PDGFRL: variants seen among roughly 807,000 people sequenced by gnomAD.
PDGFRL encodes the protein platelet derived growth factor receptor like.
Under a neutral mutation model 37.2 loss-of-function variants are expected in PDGFRL, and 46 were observed. The ratio of observed to expected loss-of-function variants is 1.24; its 90% CI spans 0.98 to 1.58. PDGFRL has a LOEUF of 1.58. Ranked by LOEUF, PDGFRL falls within the 40% of genes most tolerant of loss-of-function variation. The pLI is 0.00. For synonymous variants in PDGFRL, 251 were observed against 184.3 expected, an observed-to-expected ratio of 1.36 and a Z score of -2.93; for missense variants, 692 against 467.6, an observed-to-expected ratio of 1.48 and a Z score of -4.43.
At chr8:17,618,425 A>G (rs113557690) in intron 2 of PDGFRL, among the ~76,000 whole-genome samples, 34 of 152,342 alleles carry the variant, frequency 2.2e-4, no homozygotes, top group African/African-American at 8.2e-4. Flanking sequence ...TGTCATGGCT[A>G]TAGTAATCTT....
intron 1 of PDGFRL, among the ~76,000 whole-genome samples, chr8:17,582,361 A>T (rs1803725238): frequency 6.6e-6 from 1 of 152,082 alleles, no homozygotes; most frequent in Non-Finnish European, 1.5e-5. Context: ...AGGCAGGCGG[A>T]TCATGAGGTC....
intron 4 of PDGFRL, among the ~76,000 whole-genome samples, chr8:17,632,253 A>C (rs574485838): frequency 5.9e-5 from 9 of 151,924 alleles, no homozygotes; most frequent in Admixed American, 5.2e-4. Context: ...TCAAGCTAGC[A>C]TTGTCTCTGC....
At chr8:17,629,005 A>C (rs1052012054) in intron 4 of PDGFRL, among the ~76,000 whole-genome samples, 6 of 151,708 alleles carry the variant, frequency 4.0e-5, no homozygotes, top group African/African-American at 1.5e-4. Context: ...GCAGCATTAA[A>C]GCCCTGGGCT....
At chr8:17,629,415 T>G (rs1307280911) in intron 4 of PDGFRL, among the ~76,000 whole-genome samples, 2 of 152,068 alleles carry the variant, frequency 1.3e-5, no homozygotes. Flanking sequence ...CTTTAGAGCA[T>G]CCTCCCAGCC....
intron 2 of PDGFRL, among the ~76,000 whole-genome samples, chr8:17,591,159 G>A (rs1803930948): frequency 6.6e-6 from 1 of 152,152 alleles, no homozygotes; most frequent in South Asian, 2.1e-4. Context: ...TGGGATTACA[G>A]GCGTGAGCCA....
In PDGFRL at chr8:17,589,306, A is replaced by G. The variant is rs567180745; in HGVS notation, c.56-162A>G. ...GGTGCTCAGGCAAGAGAATCACTTGAACCTGGGAGGTGGAGGTTGCAGTGA... is the reference window on the plus strand; with the variant it reads ...GGTGCTCAGGCAAGAGAATCACTTGGACCTGGGAGGTGGAGGTTGCAGTGA... On this transcript the variant is annotated intron_variant, in intron 1 of 5. Coordinates refer to ENST00000251630, the MANE Select transcript of PDGFRL (RefSeq NM_001372073.1). 2.6e-5 allele frequency among the ~76,000 whole-genome samples: 4 copies of G among 152,194 alleles called. No individual in the cohort carries two copies. In the South Asian group the frequency reaches 8.3e-4, roughly 32 times the overall value.
rs763432400 is a variant in PDGFRL at position 17,628,701 on chromosome 8, C to T, written c.720C>T (p.His240=). The part of the protein sequence containing the change: ...GFVYLQPHSE[H]QGVVYCRAEA... ...TGTATCTGCAACCTCATTCCGAGCA[C>T]CAGGGTGTGGTTTACTGCAGGGCGG... The change falls in exon 4 of 6, where the codon CAC becomes CAT. Residue 240 remains histidine, a synonymous_variant. Transcript: ENST00000251630. 5 of 1,613,980 alleles carry T rather than the reference C, an allele frequency of 3.1e-6. No homozygotes were observed. In the South Asian group the frequency reaches 5.5e-5, roughly 18 times the overall value.
chr8:17,583,432 G>C (rs1803750072), intron 1 of PDGFRL, among the ~76,000 whole-genome samples: 1 of 152,202 alleles, frequency 6.6e-6, no homozygotes, highest in Admixed American at 6.5e-5. Flanking sequence ...GCTCACAGCT[G>C]TAAGGAACTT....
At chr8:17,634,267 C>T (rs1211665883) in intron 5 of PDGFRL, 54 bp downstream of exon 5, 1 of 1,458,578 alleles carries the variant, frequency 6.9e-7, no homozygotes, top group African/African-American at 1.4e-5. Context: ...GCATCTCAGC[C>T]AGCCATTTTA....
intron 2 of PDGFRL, among the ~76,000 whole-genome samples, chr8:17,616,061 G>C: frequency 6.6e-6 from 1 of 152,228 alleles, no homozygotes; most frequent in Non-Finnish European, 1.5e-5. Context: ...GGTGAAGCCA[G>C]ACTGTGGAAG....
chr8:17,600,883 C>T (rs78406352), intron 2 of PDGFRL, among the ~76,000 whole-genome samples: 2,440 of 151,782 alleles, frequency 0.016, 39 homozygotes, highest in Admixed American at 0.052. Flanking sequence ...TTGGGAGGCT[C>T]GGATGGTAAG....
At chr8:17,641,819 C>T (rs142195125) in intron 5 of PDGFRL, among the ~76,000 whole-genome samples, 12 of 149,538 alleles carry the variant, frequency 8.0e-5, no homozygotes, top group African/African-American at 2.2e-4. Flanking sequence ...TAGTGTTTTC[C>T]GGCATCCTGG....
intron 1 of PDGFRL, among the ~76,000 whole-genome samples, chr8:17,579,924 C>A (rs949557816): frequency 5.3e-5 from 8 of 152,064 alleles, no homozygotes; most frequent in Admixed American, 3.9e-4. Context: ...AATCATAGCA[C>A]CTGATTTTCA....
chr8:17,610,863 A>G (rs1221346573), intron 2 of PDGFRL, among the ~76,000 whole-genome samples: 1 of 151,838 alleles, frequency 6.6e-6, no homozygotes, highest in Non-Finnish European at 1.5e-5. Flanking sequence ...GTGAGCCGAG[A>G]TCACACCACT....
At chr8:17,598,719 AT>A (rs1804103750) in intron 2 of PDGFRL, among the ~76,000 whole-genome samples, 1 of 152,198 alleles carries the variant, frequency 6.6e-6, no homozygotes, top group Non-Finnish European at 1.5e-5. Flanking sequence ...CTCATCTTGA[AT>A]TATAGCTCCT....
chr8:17,630,706 G>C (rs1214019354), intron 4 of PDGFRL, among the ~76,000 whole-genome samples: 1 of 152,204 alleles, frequency 6.6e-6, no homozygotes, highest in Non-Finnish European at 1.5e-5. Flanking sequence ...GAGGAAGTAA[G>C]TGAGAGCTGG....
chr8:17,581,487 C>A (rs1803706486), intron 1 of PDGFRL, among the ~76,000 whole-genome samples: 1 of 152,134 alleles, frequency 6.6e-6, no homozygotes, highest in Non-Finnish European at 1.5e-5. Flanking sequence ...TTGCCCCCAC[C>A]ACATCTTATG....
intron 1 of PDGFRL, among the ~76,000 whole-genome samples, chr8:17,589,255 G>A (rs151128322): frequency 2.6e-5 from 4 of 151,832 alleles, no homozygotes; most frequent in Non-Finnish European, 4.4e-5. Flanking sequence ...GTGTGGCGGC[G>A]GGCACCTGTA....
At position 17,628,510 on chromosome 8, in the gene PDGFRL, T is replaced by C. The variant is rs756284832; in HGVS notation, c.529T>C (p.Ser177Pro). ...AGAGAAAGGAGAACTCTTTGTACCTTCTCCCAGCTACTTCGATGTTGTCTA... is the reference window on the plus strand; with the variant it reads ...AGAGAAAGGAGAACTCTTTGTACCTCCTCCCAGCTACTTCGATGTTGTCTA... ...FTEKGELFVP[S>P]PSYFDVVYLN... Residue 177 changes from serine (S) to proline (P), a missense_variant, in exon 4 of 6, where the codon TCT becomes CCT. Physicochemically the swap from Ser to Pro is moderately conservative, Grantham distance 74. Coordinates refer to ENST00000251630, the MANE Select transcript of PDGFRL (RefSeq NM_001372073.1). The C allele has an allele frequency of 3.1e-6, 5 of 1,613,806 alleles. No individual in the cohort carries two copies. Among genetic ancestry groups the C allele is most frequent in the African/African-American group, 1.3e-5 (1 of 74,886 alleles).
Sources: allele counts gnomAD v4.1 joint callset (sites outside exome capture counted in the v4.1 genomes callset), GRCh38; gene constraint gnomAD v4.1.1; transcripts MANE v1.5; gene names NCBI Gene and HGNC (gene_info 2026-07-23, HGNC 2026-07-21).